Variants in ZNRF3 observed in about 807,000 individuals in gnomAD.
The protein encoded by ZNRF3 is E3 ubiquitin-protein ligase ZNRF3.
Under a neutral mutation model 72.5 loss-of-function variants are expected in ZNRF3, and 23 were observed. The ratio of observed to expected loss-of-function variants is 0.32; its 90% confidence interval spans 0.23 to 0.45. The LOEUF is 0.45. Ranked by LOEUF, ZNRF3 falls within the 20% of genes least tolerant of loss-of-function variation. The pLI is 1.00. For missense variants in ZNRF3, 1,169 were observed against 1,272.1 expected, an observed-to-expected ratio of 0.92 and a Z score of 1.23; for synonymous variants, 610 against 545.3, an observed-to-expected ratio of 1.12 and a Z score of -1.65.
intron 1 of ZNRF3, among the ~76,000 whole-genome samples, chr22:28,953,012 G>T (rs886781162): frequency 2.0e-5 from 3 of 152,298 alleles, no homozygotes; most frequent in East Asian, 1.9e-4. Flanking sequence ...CTTAACTTCA[G>T]ATCTTCTTTG....
chr22:28,963,022 GT>G (rs1413502401), intron 1 of ZNRF3, among the ~76,000 whole-genome samples: 2 of 152,220 alleles, frequency 1.3e-5, no homozygotes, highest in African/African-American at 4.8e-5. Flanking sequence ...TGAATGGAAG[GT>G]TGGGTAGATT....
chr22:28,971,013 A>G (rs1213170449), intron 1 of ZNRF3, among the ~76,000 whole-genome samples: 1 of 152,116 alleles, frequency 6.6e-6, no homozygotes, highest in Non-Finnish European at 1.5e-5. Context: ...TATTGTATAT[A>G]AACACCTCAA....
At chr22:28,961,248 C>T (rs2035352902) in intron 1 of ZNRF3, among the ~76,000 whole-genome samples, 3 of 152,212 alleles carry the variant, frequency 2.0e-5, no homozygotes, top group African/African-American at 7.2e-5. Context: ...CAAGGCCCCC[C>T]ACCTCTTAAT....
rs758101732 is a variant in ZNRF3 at position 29,049,377 on chromosome 22, T to C, written c.1196T>C (p.Met399Thr). 1.2e-6 allele frequency: 2 copies of C among 1,612,988 alleles called. No individual in the cohort carries two copies. Among genetic ancestry groups the C allele is most frequent in the South Asian group, 1.1e-5 (1 of 91,068 alleles). The change falls in exon 8 of 9, where the codon ATG (methionine) becomes ACG (threonine). Residue 399 changes from methionine (M) to threonine (T), a missense_variant. Met to Thr is a moderately conservative substitution (Grantham distance 81). Transcript: ENST00000544604. The surrounding 1 kb of genome is among the most constrained non-coding windows in gnomAD (Gnocchi z 5.2). ...SHGNPVTLLT[M>T]DRHGEQSLYS... Reference sequence around the variant, plus strand: ...GGCAACCCCGTCACCTTGCTGACCATGGACCGGCACGGGGAGCAGAGCCTC... The same window carrying C: ...GGCAACCCCGTCACCTTGCTGACCACGGACCGGCACGGGGAGCAGAGCCTC...
intron 1 of ZNRF3, among the ~76,000 whole-genome samples, chr22:28,941,118 G>A (rs1039371361): frequency 1.3e-5 from 2 of 152,286 alleles, no homozygotes; most frequent in African/African-American, 4.8e-5. Flanking sequence ...GAAGAGTAGG[G>A]TAGGGGACTT....
chr22:28,987,524 T>G (rs1208834643), intron 2 of ZNRF3, among the ~76,000 whole-genome samples: 2 of 152,240 alleles, frequency 1.3e-5, no homozygotes, highest in Non-Finnish European at 2.9e-5. Flanking sequence ...CACAATACTT[T>G]ATCTTACACC....
At chr22:28,998,576 A>T (rs1451117946) in intron 2 of ZNRF3, among the ~76,000 whole-genome samples, 1 of 152,212 alleles carries the variant, frequency 6.6e-6, no homozygotes, top group Non-Finnish European at 1.5e-5. Context: ...TAAGTGGAAA[A>T]ACTCAGGGAA....
intron 1 of ZNRF3, among the ~76,000 whole-genome samples, chr22:28,913,926 C>T (rs1054175081): frequency 1.3e-5 from 2 of 152,112 alleles, no homozygotes; most frequent in East Asian, 1.9e-4. Flanking sequence ...CCCCCCGACC[C>T]CTGCAGCCCT....
chr22:28,938,751 G>A (rs1214202047), intron 1 of ZNRF3, among the ~76,000 whole-genome samples: 2 of 152,078 alleles, frequency 1.3e-5, no homozygotes, highest in African/African-American at 2.4e-5. Context: ...GAGGGGAGAT[G>A]TATATATAAA....
rs1346367447 is a variant in ZNRF3, at chr22:29,050,274, G to A, written c.2093G>A (p.Arg698Lys). The A allele has an allele frequency of 6.3e-7, 1 of 1,597,856 alleles. No homozygotes were observed. The highest frequency in any genetic ancestry group is 8.5e-7 in the Non-Finnish European group (1 of 1,178,674). ...EASPGAAPDL[R>K]RTWKGGHELP... is the part of the protein sequence containing the mutation. ...TCTCCTGGGGCCGCCCCTGACCTCA[G>A]GAGGACCTGGAAGGGGGGCCACGAG... The change falls in exon 8 of 9, where the codon AGG becomes AAG. Residue 698 changes from arginine to lysine, a missense_variant. This residue lies in a region of ZNRF3 where 783 missense variants were observed against 731.4 expected (regional missense o/e 1.07). Coordinates refer to ENST00000544604, the MANE Select transcript of ZNRF3 (RefSeq NM_001206998.2).
intron 1 of ZNRF3, among the ~76,000 whole-genome samples, chr22:28,897,944 C>CT (rs2123749758): frequency 6.6e-6 from 1 of 152,118 alleles, no homozygotes; most frequent in East Asian, 1.9e-4. Context: ...AAAGGCTTGG[C>CT]TTTTTTTCTC....
rs936017324 is a variant in ZNRF3, at chr22:28,883,933, A to C, written c.167A>C (p.Lys56Thr). The change falls in exon 1 of 9, where the codon AAG (lysine) becomes ACG (threonine). Residue 56 changes from lysine (K) to threonine (T), a missense_variant. Physicochemically the swap from Lys to Thr is moderately conservative, Grantham distance 78. This residue lies in a region of ZNRF3 where 386 missense variants were observed against 540.7 expected (regional missense o/e 0.71). Transcript: ENST00000544604. This position sits in a 1 kb window ranked among gnomAD's most constrained non-coding sequence, Gnocchi z 5.5. The part of the protein sequence containing the change: ...AAAGPGAARA[K>T]ETAFVEVVLF... ...GCGGGGCCCGGCGCGGCGCGGGCCAAGGAGACGGCGTTCGTGGAGGTGGTG... is the reference window on the plus strand; with the variant it reads ...GCGGGGCCCGGCGCGGCGCGGGCCACGGAGACGGCGTTCGTGGAGGTGGTG... The C allele has an allele frequency of 8.0e-7, 1 of 1,247,108 alleles. No homozygotes were observed. The highest frequency in any genetic ancestry group is 1.0e-6 in the Non-Finnish European group (1 of 974,438). 77.3% of individuals were successfully genotyped at this position (1,247,108 alleles called of 1,614,324 possible). A position where few individuals can be genotyped will look rare whatever the true frequency, so the allele number is the denominator to read the frequency against.
rs2037127607 is a variant in ZNRF3, at chr22:29,049,079, G to A, written c.1016-118G>A. 1 of 1,166,656 alleles carries A rather than the reference G, an allele frequency of 8.6e-7. No homozygotes were observed. Among genetic ancestry groups the A allele is most frequent in the Non-Finnish European group, 1.2e-6 (1 of 823,598 alleles). 72.3% of individuals were successfully genotyped at this position (1,166,656 alleles called of 1,614,324 possible). A position where few individuals can be genotyped will look rare whatever the true frequency, so the allele number is the denominator to read the frequency against. On this transcript the variant is annotated intron_variant, in intron 7 of 8. Coordinates refer to ENST00000544604, the MANE Select transcript of ZNRF3 (RefSeq NM_001206998.2). The surrounding 1 kb of genome is among the most constrained non-coding windows in gnomAD (Gnocchi z 5.2). Reference sequence around the variant, plus strand: ...TTTGGGGGCAGGGTTGTGAGAATGGGTACCTTGGCAGGTGACCAAGCCTGC... The same window carrying A: ...TTTGGGGGCAGGGTTGTGAGAATGGATACCTTGGCAGGTGACCAAGCCTGC...
At chr22:29,042,877 C>A (rs568686273) in intron 3 of ZNRF3, among the ~76,000 whole-genome samples, 1 of 151,930 alleles carries the variant, frequency 6.6e-6, no homozygotes. Context: ...CGGGTTCAAG[C>A]GATTCTCCTG....
At chr22:28,996,888 T>C (rs2036053409) in intron 2 of ZNRF3, among the ~76,000 whole-genome samples, 1 of 152,164 alleles carries the variant, frequency 6.6e-6, no homozygotes. Flanking sequence ...GCTACAGAGT[T>C]TTTTATAAGC....
chr22:28,894,123 A>ATT (rs771660791), intron 1 of ZNRF3, among the ~76,000 whole-genome samples: 5 of 142,350 alleles, frequency 3.5e-5, no homozygotes, highest in Non-Finnish European at 6.2e-5. Flanking sequence ...TGCCTGGCTA[A>ATT]TTTTTTTTTT....
At chr22:28,937,171 TA>T (rs2034835679) in intron 1 of ZNRF3, among the ~76,000 whole-genome samples, 4 of 119,332 alleles carry the variant, frequency 3.4e-5, no homozygotes, top group African/African-American at 1.6e-4. Context: ...ACTTCTCTCT[TA>T]TAATATATAT....
intron 2 of ZNRF3, among the ~76,000 whole-genome samples, chr22:28,998,941 C>G (rs995664201): frequency 1.3e-5 from 2 of 152,092 alleles, no homozygotes; most frequent in African/African-American, 4.8e-5. Context: ...TTGAACCAGG[C>G]TCTTGATGCA....
At chr22:28,954,053 G>A (rs1296191689) in intron 1 of ZNRF3, among the ~76,000 whole-genome samples, 1 of 152,106 alleles carries the variant, frequency 6.6e-6, no homozygotes, top group Non-Finnish European at 1.5e-5. Flanking sequence ...ACAGGGCCTG[G>A]CACACGGCTC....
Sources: allele counts gnomAD v4.1 joint callset (sites outside exome capture counted in the v4.1 genomes callset), GRCh38; gene constraint gnomAD v4.1.1; regional missense constraint gnomAD v4.1.1; non-coding constraint Gnocchi (gnomAD v3.1); transcripts MANE v1.5; gene names NCBI Gene and HGNC (gene_info 2026-07-23, HGNC 2026-07-21).